Variants in WDR13 observed in about 807,000 individuals in gnomAD.
WDR13 encodes WD repeat domain 13.
WDR13 carries 1 observed loss-of-function variant against 28.6 expected under a neutral mutation model. The ratio of observed to expected loss-of-function variants is 0.03; its 90% CI spans 0.01 to 0.17. WDR13 has a LOEUF of 0.17. WDR13 is among the 10% of genes least tolerant of loss of function. WDR13 has a pLI of 1.00. For missense variants in WDR13, 264 were observed against 469.3 expected (o/e 0.56, Z 4.04); for synonymous variants, 201 against 185.9 (o/e 1.08, Z -0.66).
chrX:48,605,245 A>G lies in WDR13; in HGVS notation c.*213A>G. ...GCATCGACGGATTCATTCATTCCAC[A>G]AGCATTGATTGAATGTCTGCTGGGT... On this transcript the variant is annotated 3_prime_UTR_variant, in exon 10 of 10. Transcript: ENST00000376729. 2.3e-6 allele frequency: 1 copy of G among 435,253 alleles called. No homozygotes were observed. Among genetic ancestry groups the G allele is most frequent in the Non-Finnish European group, 3.9e-6 (1 of 255,262 alleles). 35.9% of individuals were successfully genotyped at this position (435,253 alleles called of 1,213,427 possible).
chrX:48,598,124 C>A, intron 2 of WDR13, 87 bp downstream of exon 2: 1 of 1,149,360 alleles, frequency 8.7e-7, no homozygotes, highest in South Asian at 2.0e-5. Flanking sequence ...GGAGAACTTG[C>A]CTTATGCGGC....
intron 2 of WDR13, 148 bp from the exon 3 acceptor site, chrX:48,598,569 A>AGG (rs2062159187): frequency 9.3e-7 from 1 of 1,078,889 alleles, no homozygotes; most frequent in African/African-American, 2.0e-5. Context: ...CAGGACCAAG[A>AGG]GGTCCCTCAT....
intron 6 of WDR13, chrX:48,600,831 C>T: frequency 6.6e-6 from 3 of 453,883 alleles, no homozygotes; most frequent in Non-Finnish European, 1.1e-5. Flanking sequence ...CGCAGTGGCT[C>T]ACGCCTGTAA....
intron 5 of WDR13, 187 bp from the exon 6 acceptor site, chrX:48,600,132 T>G (rs2062173414): frequency 6.6e-6 from 3 of 457,313 alleles, no homozygotes; most frequent in African/African-American, 2.4e-5. Flanking sequence ...TGCTAAGACT[T>G]AGGGAGCTTT....
chrX:48,607,379 G>GGT lies in WDR13; in HGVS notation c.*2348_*2349insTG, dbSNP rs2062226693. ...GTTGTTGTTGTTTTGGTTTTTTTTT[G>GGT]GCGGGGGGGGGGGGGTCTTGCTCTG... is the stretch of plus-strand genomic sequence containing the variant. On this transcript the variant is annotated 3_prime_UTR_variant, in exon 10 of 10. Transcript: ENST00000376729. 1 of 51,613 alleles carries GGT rather than the reference G, an allele frequency of 1.9e-5. No individual in the cohort carries two copies. The highest frequency in any genetic ancestry group is 6.5e-5 in the African/African-American group (1 of 15,297). The allele number at this position is 51,613 out of a possible 1,213,427, so 4.3% of individuals were successfully genotyped here. A position where few individuals can be genotyped will look rare whatever the true frequency, so the allele number is the denominator to read the frequency against.
rs1009484702 is a variant in WDR13, at chrX:48,599,677, G to A, written c.483G>A (p.Ala161=). Residue 161 remains alanine (A), a synonymous_variant, in exon 5 of 10, where the codon GCG becomes GCA. Transcript: ENST00000376729. ...DTSLSENYAF[A]GMYHVFDQHV... ...CACTGAGCGAGAACTATGCCTTTGC[G>A]GGCATGTATCATGTTTTTGACCAGC... The A allele has an allele frequency of 1.2e-5, 14 of 1,211,576 alleles. No homozygotes were observed. The highest frequency in any genetic ancestry group is 1.7e-5 in the African/African-American group (1 of 57,668).
intron 8 of WDR13, among the ~76,000 whole-genome samples, chrX:48,603,387 C>G (rs782668229): frequency 6.3e-5 from 7 of 111,393 alleles, no homozygotes; most frequent in Non-Finnish European, 9.4e-5. Context: ...GTGGCGCACT[C>G]CTGTAATCTC....
chrX:48,601,335 C>G (rs189176090), intron 6 of WDR13, among the ~76,000 whole-genome samples: 1 of 112,616 alleles, frequency 8.9e-6, no homozygotes, highest in East Asian at 2.8e-4. Context: ...AGGGGAAGGA[C>G]ATTAGAAAGT....
In WDR13 at chrX:48,600,316, C is replaced by T. The variant is rs782620478; in HGVS notation, c.524-3C>T. ...TCCCACTAATGGCTTCTTGGCATTG[C>T]AGTCCCAAGGGTGCGCTTCGCCAAT... On this transcript the variant is annotated splice_region_variant and splice_polypyrimidine_tract_variant and intron_variant, in intron 5 of 9. Transcript: ENST00000376729. 1 of 1,182,621 alleles carries T rather than the reference C, an allele frequency of 8.5e-7. No homozygotes were observed. The highest frequency in any genetic ancestry group is 1.1e-6 in the Non-Finnish European group (1 of 883,533).
Position 48,600,611 on chromosome X carries a change from C to T in WDR13, c.816C>T (p.Asn272=), listed in dbSNP as rs1286651354. The part of the protein sequence containing the change: ...ELLCCTFQPV[N]NNLTVVGNAK... ...TCTGCTGCACCTTCCAGCCTGTCAACAACAACCTCACTGTGGTCAGGCTCC... is the reference window on the plus strand; with the variant it reads ...TCTGCTGCACCTTCCAGCCTGTCAATAACAACCTCACTGTGGTCAGGCTCC... The change falls in exon 6 of 10, where the codon AAC becomes AAT. Residue 272 remains asparagine, a synonymous_variant. Transcript: ENST00000376729. 5 of 1,207,729 alleles carry T rather than the reference C, an allele frequency of 4.1e-6. No individual in the cohort carries two copies. In the African/African-American group the frequency reaches 5.2e-5, roughly 13 times the overall value.
rs1282763139 is a variant in WDR13 at position 48,605,872 on chromosome X, C to A, written c.*840C>A. The A allele has an allele frequency of 9.0e-6, 1 of 110,845 alleles. No individual in the cohort carries two copies. 9.1% of individuals were successfully genotyped at this position (110,845 alleles called of 1,213,427 possible). On this transcript the variant is annotated 3_prime_UTR_variant, in exon 10 of 10. Coordinates refer to ENST00000376729, the MANE Select transcript of WDR13 (RefSeq NM_001347217.2). Reference sequence around the variant, plus strand: ...AACCACCACGCCTGGCTCAGGGTGACATTTAAAGACCTGAATGAAGTGAGT... The same window carrying A: ...AACCACCACGCCTGGCTCAGGGTGAAATTTAAAGACCTGAATGAAGTGAGT...
In WDR13 at chrX:48,600,458, C is replaced by T. The variant is rs200885820; in HGVS notation, c.663C>T (p.Ser221=). 4.1e-5 allele frequency: 50 copies of T among 1,211,502 alleles called. No homozygotes were observed. The highest frequency in any genetic ancestry group is 4.6e-4 in the Middle Eastern group (2 of 4,351). Reference sequence around the variant, plus strand: ...TACGGGGCCACACCCGTGGTGTCTCCGACTTCGCCTGGTCCCTCTCCAATG... The same window carrying T: ...TACGGGGCCACACCCGTGGTGTCTCTGACTTCGCCTGGTCCCTCTCCAATG... ...RVLRGHTRGV[S]DFAWSLSNDI... Residue 221 remains serine (S), a synonymous_variant, in exon 6 of 10, where the codon TCC becomes TCT. Transcript: ENST00000376729.
rs2062230574 is a variant in WDR13 at position 48,607,827 on chromosome X, G to T, written c.*2795G>T. ...CTTTGTCGCCAGGCTGGAGTGCAGT[G>T]GCGTGATCTCGGCTTACTGTAACCT... On this transcript the variant is annotated 3_prime_UTR_variant, in exon 10 of 10. Coordinates refer to ENST00000376729, the MANE Select transcript of WDR13 (RefSeq NM_001347217.2). The T allele has an allele frequency of 9.3e-6, 1 of 107,202 alleles. No individual in the cohort carries two copies. Among genetic ancestry groups the T allele is most frequent in the African/African-American group, 3.4e-5 (1 of 29,187 alleles). 8.8% of individuals were successfully genotyped at this position (107,202 alleles called of 1,213,427 possible). A position where few individuals can be genotyped will look rare whatever the true frequency, so the allele number is the denominator to read the frequency against.
At chrX:48,604,437 G>C (rs2062208493) in intron 9 of WDR13, 47 bp downstream of exon 9, 7 of 1,121,470 alleles carry the variant, frequency 6.2e-6, no homozygotes, top group Non-Finnish European at 8.5e-6. Context: ...GGAGGGGCAG[G>C]AACCAGGGCT....
At chrX:48,598,597 C>A in intron 2 of WDR13, 120 bp from the exon 3 acceptor site, 4 of 1,096,337 alleles carry the variant, frequency 3.6e-6, no homozygotes, top group Non-Finnish European at 4.8e-6. Flanking sequence ...GCTAGTCATT[C>A]TTACCACCTA....
chrX:48,601,326 G>A (rs1408179592), intron 6 of WDR13, among the ~76,000 whole-genome samples: 2 of 112,715 alleles, frequency 1.8e-5, no homozygotes, highest in Non-Finnish European at 3.8e-5. Flanking sequence ...TCAGAGAGCA[G>A]GGGAAGGACA....
At position 48,598,079 on chromosome X, in the gene WDR13, T is replaced by C. The variant is rs1367313928; in HGVS notation, c.41+42T>C. On this transcript the variant is annotated intron_variant, in intron 2 of 9. Transcript: ENST00000376729. The stretch of plus-strand genomic sequence containing the variant: ...AAGCCCATGGGAGCAGAACTTACTG[T>C]GGTGCATGCGCAATGGCGATAAGTG... 4.3e-6 allele frequency: 5 copies of C among 1,159,388 alleles called. No individual in the cohort carries two copies. The Admixed American group carries it at 1.3e-4, about 31-fold the overall frequency.
At chrX:48,599,892 C>T (rs1602144697) in intron 5 of WDR13, 175 bp downstream of exon 5, 4 of 688,575 alleles carry the variant, frequency 5.8e-6, no homozygotes, top group Middle Eastern at 1.0e-3. Context: ...GCTTCGTCTA[C>T]TGGAAAGGGC....
chrX:48,598,873 C>T lies in WDR13; in HGVS notation c.198C>T (p.Tyr66=), dbSNP rs782360534. The change falls in exon 3 of 10, where the codon TAC becomes TAT. Residue 66 remains tyrosine, a synonymous_variant. Transcript: ENST00000376729. ...GGGGGCAGCTGCTGGGCCAGCGCTACGGGCCCCTCTCCGAGCCAGGCAGTG... is the reference window on the plus strand; with the variant it reads ...GGGGGCAGCTGCTGGGCCAGCGCTATGGGCCCCTCTCCGAGCCAGGCAGTG... ...RLRGQLLGQR[Y]GPLSEPGSAR... The T allele has an allele frequency of 5.8e-6, 7 of 1,209,208 alleles. No homozygotes were observed. Among genetic ancestry groups the T allele is most frequent in the South Asian group, 1.8e-5 (1 of 56,683 alleles).
Sources: allele counts gnomAD v4.1 joint callset (sites outside exome capture counted in the v4.1 genomes callset), GRCh38; gene constraint gnomAD v4.1.1; transcripts MANE v1.5; gene names NCBI Gene and HGNC (gene_info 2026-07-23, HGNC 2026-07-21).